PRELID2: variants seen among roughly 807,000 people sequenced by gnomAD.
PRELID2 encodes the protein PRELI domain containing 2.
In PRELID2, 25 loss-of-function variants were observed where a neutral mutation model predicts 28.4. That is an observed-to-expected ratio of 0.88 (90% CI 0.64 to 1.23). The LOEUF (loss-of-function observed/expected upper bound fraction) is 1.23, where lower values mean the gene tolerates loss of function less well. PRELID2 is among the 50% of genes most tolerant of loss of function. The pLI, the probability that PRELID2 is intolerant of heterozygous loss-of-function variation, is 0.00. For synonymous variants in PRELID2, 76 were observed against 71.6 expected, an observed-to-expected ratio of 1.06 and a Z score of -0.31; for missense variants, 201 against 214.4, an observed-to-expected ratio of 0.94 and a Z score of 0.39.
At chr5:145,722,913 CA>C (rs888470842) in intron 1 of PRELID2, among the ~76,000 whole-genome samples, 1 of 152,028 alleles carries the variant, frequency 6.6e-6, no homozygotes, top group Non-Finnish European at 1.5e-5. Context: ...CTATACCCCC[CA>C]AAAAGGTACC....
intron 4 of PRELID2, among the ~76,000 whole-genome samples, chr5:145,804,685 G>A (rs1753377556): frequency 2.0e-5 from 3 of 152,000 alleles, no homozygotes; most frequent in Admixed American, 2.0e-4. Flanking sequence ...GAGGTTCCAA[G>A]AGGCAAACTT....
the PRELID2 span, among the ~76,000 whole-genome samples, chr5:145,334,608 A>AAT: frequency 1.3e-5 from 2 of 152,162 alleles, no homozygotes; most frequent in Non-Finnish European, 2.9e-5. Flanking sequence ...TTTTACACTA[A>AAT]TAATTAGCAT....
chr5:145,431,171 GTATT>G, the PRELID2 span, among the ~76,000 whole-genome samples: 2 of 151,754 alleles, frequency 1.3e-5, no homozygotes, highest in African/African-American at 4.8e-5. Flanking sequence ...TAATAGAAAG[GTATT>G]TAAAAGGTAA....
At chr5:145,512,029 G>A (rs1385114494) in intron 1 of PRELID2, among the ~76,000 whole-genome samples, 1 of 152,112 alleles carries the variant, frequency 6.6e-6, no homozygotes, top group African/African-American at 2.4e-5. Flanking sequence ...GATTGCATGT[G>A]GAAAATGAGC....
At chr5:145,439,202 G>C in the PRELID2 span, among the ~76,000 whole-genome samples, 1 of 152,100 alleles carries the variant, frequency 6.6e-6, no homozygotes, top group South Asian at 2.1e-4. Context: ...CTCACTTCAA[G>C]TTTCAGCAAA....
intron 4 of PRELID2, among the ~76,000 whole-genome samples, chr5:145,816,345 G>T (rs545624253): frequency 1.3e-5 from 2 of 152,060 alleles, no homozygotes; most frequent in African/African-American, 4.8e-5. Flanking sequence ...GCCTCCCAAA[G>T]TGCTAGGATT....
At chr5:145,558,720 G>C (rs1455150959) in intron 1 of PRELID2, among the ~76,000 whole-genome samples, 3 of 152,178 alleles carry the variant, frequency 2.0e-5, no homozygotes, top group African/African-American at 7.2e-5. Context: ...TGAAGAGTCT[G>C]AGGATTTTGA....
At chr5:145,409,621 G>A in the PRELID2 span, among the ~76,000 whole-genome samples, 2 of 151,710 alleles carry the variant, frequency 1.3e-5, no homozygotes, top group African/African-American at 2.4e-5. Context: ...GTTAAAAAAA[G>A]ACAAAGAGAG....
At chr5:145,531,556 C>T (rs1752655312) in intron 1 of PRELID2, among the ~76,000 whole-genome samples, 1 of 152,174 alleles carries the variant, frequency 6.6e-6, no homozygotes, top group Admixed American at 6.5e-5. Context: ...GGACTCCTCG[C>T]TCAGCTTAGG....
chr5:145,447,033 G>C, the PRELID2 span, among the ~76,000 whole-genome samples: 1 of 120,996 alleles, frequency 8.3e-6, no homozygotes, highest in African/African-American at 3.3e-5. Context: ...TGGGCAACAA[G>C]AGCGAAACTC....
At chr5:145,418,958 C>A in the PRELID2 span, among the ~76,000 whole-genome samples, 1 of 150,062 alleles carries the variant, frequency 6.7e-6, no homozygotes, top group Non-Finnish European at 1.5e-5. Context: ...CAATTCCCAC[C>A]TATGAGTGAG....
chr5:145,282,711 G>C, the PRELID2 span, among the ~76,000 whole-genome samples: 1 of 151,884 alleles, frequency 6.6e-6, no homozygotes, highest in African/African-American at 2.4e-5. Flanking sequence ...TAGAGACAGG[G>C]TTTCACCATT....
chr5:145,748,018 A>G (rs565722187), intron 1 of PRELID2, among the ~76,000 whole-genome samples: 1 of 152,324 alleles, frequency 6.6e-6, no homozygotes, highest in South Asian at 2.1e-4. Context: ...TCAAAATAAT[A>G]AGAGCCATTT....
At chr5:145,323,397 G>A in the PRELID2 span, among the ~76,000 whole-genome samples, 2 of 152,280 alleles carry the variant, frequency 1.3e-5, no homozygotes, top group South Asian at 4.1e-4. Context: ...GTTAAGCAGG[G>A]AAGATATGTG....
intron 1 of PRELID2, among the ~76,000 whole-genome samples, chr5:145,574,828 C>T (rs761556720): frequency 6.6e-6 from 1 of 152,154 alleles, no homozygotes. Flanking sequence ...ACTTATAACA[C>T]ATAATACAAT....
intron 1 of PRELID2, among the ~76,000 whole-genome samples, chr5:145,503,053 G>A (rs1752373394): frequency 6.6e-6 from 1 of 152,150 alleles, no homozygotes; most frequent in Non-Finnish European, 1.5e-5. Context: ...TAGAAGCAAT[G>A]GAGTGGATGG....
chr5:145,336,577 T>TATGTGATCTTTGACAACTGCCACATATC, the PRELID2 span, among the ~76,000 whole-genome samples: 2 of 152,156 alleles, frequency 1.3e-5, no homozygotes, highest in Non-Finnish European at 2.9e-5. Flanking sequence ...AAAGATCAGA[T>TATGTGATCTTTGACAACTGCCACATATC]AGTTGTAGAT....
chr5:145,350,302 G>A, the PRELID2 span, among the ~76,000 whole-genome samples: 6 of 152,176 alleles, frequency 3.9e-5, no homozygotes, highest in Non-Finnish European at 7.3e-5. Context: ...TAGATGACAT[G>A]AGAAAAGATT....
chr5:145,740,468 C>T (rs13181159), intron 1 of PRELID2, among the ~76,000 whole-genome samples: 124,883 of 137,756 alleles, frequency 0.91, 56,655 homozygotes, highest in East Asian at 0.99. Flanking sequence ...AGATAGAACA[C>T]CAACTAGGAT....
Sources: allele counts gnomAD v4.1 joint callset (sites outside exome capture counted in the v4.1 genomes callset), GRCh38; gene constraint gnomAD v4.1.1; transcripts MANE v1.5; gene names NCBI Gene and HGNC (gene_info 2026-07-23, HGNC 2026-07-21).